Variants in METTL25 observed in about 807,000 individuals in gnomAD.
METTL25 encodes probable methyltransferase-like protein 25.
METTL25 carries 64 observed loss-of-function variants against 71.6 expected under a neutral mutation model. The ratio of observed to expected loss-of-function variants is 0.89; its 90% CI spans 0.73 to 1.10. The LOEUF (loss-of-function observed/expected upper bound fraction) is 1.10. Among genes scored for constraint, METTL25 ranks in the 50% least tolerant of loss-of-function variants. The pLI is 0.00. For synonymous variants in METTL25, 287 were observed against 250.3 expected (o/e 1.15, Z -1.38); for missense variants, 807 against 707.0 (o/e 1.14, Z -1.60).
chr12:82,378,206 C>T (rs895187270), intron 1 of METTL25, among the ~76,000 whole-genome samples: 2 of 152,130 alleles, frequency 1.3e-5, no homozygotes, highest in Non-Finnish European at 2.9e-5. Context: ...CTTAATTCTT[C>T]CCTTTTACAT....
At chr12:82,439,973 A>G (rs1046879504) in intron 8 of METTL25, 10 of 227,586 alleles carry the variant, frequency 4.4e-5, no homozygotes, top group African/African-American at 7.0e-5. Context: ...GTGTTCCTTT[A>G]GTATTCAGAA....
intron 5 of METTL25, among the ~76,000 whole-genome samples, chr12:82,415,481 A>C (rs1459474495): frequency 1.3e-5 from 2 of 152,122 alleles, no homozygotes; most frequent in East Asian, 3.9e-4. Context: ...AGATTTACTA[A>C]GAATGGGCTG....
At position 82,412,856 on chromosome 12, in the gene METTL25, T is replaced by G. The variant is rs372902810; in HGVS notation, c.1279+9726T>G. On this transcript the variant is annotated intron_variant, in intron 5 of 11. Coordinates refer to ENST00000248306, the MANE Select transcript of METTL25 (RefSeq NM_032230.3). Reference sequence around the variant, plus strand: ...ACAGGGATTTTCCAGATTCATAAATTTCTCCTAAGTTGAAGAGGAAATATT... The same window carrying G: ...ACAGGGATTTTCCAGATTCATAAATGTCTCCTAAGTTGAAGAGGAAATATT... Among the ~76,000 whole-genome samples, 38 of 152,148 alleles carry G rather than the reference T, an allele frequency of 2.5e-4. No homozygotes were observed. The East Asian group carries it at 7.1e-3, about 29-fold the overall frequency.
At chr12:82,449,920 A>C (rs922791177) in intron 8 of METTL25, among the ~76,000 whole-genome samples, 1 of 152,046 alleles carries the variant, frequency 6.6e-6, no homozygotes, top group Non-Finnish European at 1.5e-5. Flanking sequence ...TGTTTCAGTA[A>C]GATTTTATTT....
At chr12:82,478,346 T>A (rs1284942031) in intron 11 of METTL25, among the ~76,000 whole-genome samples, 1 of 151,760 alleles carries the variant, frequency 6.6e-6, no homozygotes, top group East Asian at 1.9e-4. Flanking sequence ...TCAATTAATA[T>A]CTTATAAAGT....
rs58804957 is a variant in METTL25, at chr12:82,442,465, A to G, written c.1478+3674A>G. ...CTCCAGAGAATTATACTGAATGAACAGAAGCCAATCCCAAAAGGTTATATA... is the reference window on the plus strand; with the variant it reads ...CTCCAGAGAATTATACTGAATGAACGGAAGCCAATCCCAAAAGGTTATATA... On this transcript the variant is annotated intron_variant, in intron 8 of 11. Transcript: ENST00000248306. Among the ~76,000 whole-genome samples, 505 of 152,308 alleles carry G rather than the reference A, an allele frequency of 3.3e-3. 5 individuals carry two copies. The highest frequency in any genetic ancestry group is 0.011 in the African/African-American group (474 of 41,578).
intron 8 of METTL25, 45 bp downstream of exon 8, chr12:82,438,836 A>T: frequency 6.9e-7 from 1 of 1,451,266 alleles, no homozygotes; most frequent in Non-Finnish European, 9.2e-7. Flanking sequence ...TTATATTGTA[A>T]GTAAAGTGAC....
intron 1 of METTL25, among the ~76,000 whole-genome samples, chr12:82,363,910 G>A (rs564690046): frequency 1.1e-4 from 17 of 152,192 alleles, no homozygotes; most frequent in African/African-American, 3.9e-4. Context: ...GGATTTCAGT[G>A]GCTGTTATAA....
chr12:82,399,206 A>G lies in METTL25; in HGVS notation c.943A>G (p.Ile315Val), dbSNP rs1886361588. The G allele has an allele frequency of 6.2e-7, 1 of 1,613,278 alleles. No individual in the cohort carries two copies. The highest frequency in any genetic ancestry group is 1.3e-5 in the African/African-American group (1 of 74,858). ...NLCFENSFSL[I>V]NLLPINAVEP... The stretch of plus-strand genomic sequence containing the variant: ...GTGTTTTGAAAATTCCTTTTCTCTT[A>G]TAAACCTTTTGCCTATTAATGCTGT... The change falls in exon 4 of 12, where the codon ATA becomes GTA. Residue 315 changes from isoleucine (I) to valine (V), a missense_variant. Physicochemically the swap from Ile to Val is conservative, Grantham distance 29. Transcript: ENST00000248306.
At position 82,438,766 on chromosome 12, in the gene METTL25, A is replaced by G; in HGVS notation, c.1453A>G (p.Lys485Glu). The G allele has an allele frequency of 6.5e-7, 1 of 1,532,572 alleles. No homozygotes were observed. The highest frequency in any genetic ancestry group is 8.9e-7 in the Non-Finnish European group (1 of 1,125,284). The allele number at this position is 1,532,572 out of a possible 1,614,324, so 94.9% of individuals were successfully genotyped here. The change falls in exon 8 of 12, where the codon AAA (lysine) becomes GAA (glutamate). Residue 485 changes from lysine to glutamate, a missense_variant. Physicochemically the swap from Lys to Glu is moderately conservative, Grantham distance 56. Coordinates refer to ENST00000248306, the MANE Select transcript of METTL25 (RefSeq NM_032230.3). ...TCGTGCTGTTCTTCAGGATATTATT[A>G]AAGATTGTTATGGCATCACCAAATG... ...FYRAVLQDII[K>E]DCYGITKCDR... is the part of the protein sequence containing the mutation.
intron 6 of METTL25, among the ~76,000 whole-genome samples, chr12:82,431,287 A>C (rs1049317979): frequency 1.3e-5 from 2 of 151,524 alleles, no homozygotes; most frequent in Admixed American, 6.6e-5. Context: ...TGGTTTCCTA[A>C]ATTTTTATAG....
Position 82,463,681 on chromosome 12 carries a change from A to G in METTL25, c.1572+6861A>G, listed in dbSNP as rs531574543. Reference sequence around the variant, plus strand: ...CTATCCTCTTCTCCATAGTGGCTATACTAGTTTACATTCTCACCAACAGTC... The same window carrying G: ...CTATCCTCTTCTCCATAGTGGCTATGCTAGTTTACATTCTCACCAACAGTC... On this transcript the variant is annotated intron_variant, in intron 9 of 11. Coordinates refer to ENST00000248306, the MANE Select transcript of METTL25 (RefSeq NM_032230.3). 5.3e-5 allele frequency among the ~76,000 whole-genome samples: 8 copies of G among 152,122 alleles called. No individual in the cohort carries two copies. In the East Asian group the frequency reaches 1.2e-3, roughly 22 times the overall value.
At chr12:82,387,573 C>T (rs1885159657) in intron 2 of METTL25, among the ~76,000 whole-genome samples, 1 of 151,454 alleles carries the variant, frequency 6.6e-6, no homozygotes, top group Non-Finnish European at 1.5e-5. Context: ...CTTATTTTTC[C>T]CCACCTTTTT....
At position 82,430,909 on chromosome 12, in the gene METTL25, G is replaced by A. The variant is rs770256096; in HGVS notation, c.1296G>A (p.Lys432=). Residue 432 remains lysine (K), a synonymous_variant, in exon 6 of 12, where the codon AAG becomes AAA. Transcript: ENST00000248306. ...ENQHKERTQE[K]WGFPMCHYLK... Reference sequence around the variant, plus strand: ...CATCTGCAGAACGTACTCAGGAAAAGTGGGGATTTCCAATGTGCCACTATT... The same window carrying A: ...CATCTGCAGAACGTACTCAGGAAAAATGGGGATTTCCAATGTGCCACTATT... 1.9e-6 allele frequency: 3 copies of A among 1,591,982 alleles called. No homozygotes were observed. The highest frequency in any genetic ancestry group is 1.7e-4 in the Middle Eastern group (1 of 5,974).
At chr12:82,391,478 C>G (rs1410758766) in intron 3 of METTL25, among the ~76,000 whole-genome samples, 1 of 151,690 alleles carries the variant, frequency 6.6e-6, no homozygotes, top group African/African-American at 2.4e-5. Flanking sequence ...GTCCATAATC[C>G]TAACTTTATT....
chr12:82,386,750 A>G (rs956192468), intron 1 of METTL25, 53 bp from the exon 2 acceptor site: 1 of 1,398,856 alleles, frequency 7.1e-7, no homozygotes, highest in African/African-American at 1.4e-5. Flanking sequence ...TTAATATCAC[A>G]CTAATTAACC....
intron 2 of METTL25, among the ~76,000 whole-genome samples, chr12:82,388,276 C>G (rs914385446): frequency 2.6e-5 from 4 of 151,948 alleles, no homozygotes; most frequent in Non-Finnish European, 4.4e-5. Flanking sequence ...TAAAAGGACC[C>G]TTTTATCTTT....
intron 5 of METTL25, among the ~76,000 whole-genome samples, chr12:82,424,991 T>C (rs1330175763): frequency 6.6e-6 from 1 of 152,102 alleles, no homozygotes; most frequent in African/African-American, 2.4e-5. Flanking sequence ...TTAATTTCTG[T>C]TGTCTTAAGC....
intron 5 of METTL25, among the ~76,000 whole-genome samples, chr12:82,426,043 T>C (rs1267391915): frequency 6.6e-6 from 1 of 152,012 alleles, no homozygotes; most frequent in African/African-American, 2.4e-5. Flanking sequence ...TGAATATGGG[T>C]ATATGAATGC....
Sources: allele counts gnomAD v4.1 joint callset (sites outside exome capture counted in the v4.1 genomes callset), GRCh38; gene constraint gnomAD v4.1.1; transcripts MANE v1.5; gene names NCBI Gene and HGNC (gene_info 2026-07-23, HGNC 2026-07-21).